Variants in TLN2 observed in about 807,000 individuals in gnomAD.
TLN2 encodes the protein talin-2.
Under a neutral mutation model 294.7 loss-of-function variants are expected in TLN2, and 118 were observed. The ratio of observed to expected loss-of-function variants is 0.40; its 90% confidence interval spans 0.34 to 0.47. The LOEUF (loss-of-function observed/expected upper bound fraction) is 0.47, where lower values mean the gene tolerates loss of function less well. TLN2 is among the 20% of genes least tolerant of loss of function. TLN2 has a pLI of 0.84. For synonymous variants in TLN2, 1,431 were observed against 1,304.5 expected (o/e 1.10, Z -2.09); for missense variants, 3,083 against 3,282.2 (o/e 0.94, Z 1.48).
chr15:62,727,761 G>A (rs1484918901), intron 28 of TLN2, among the ~76,000 whole-genome samples: 1 of 152,116 alleles, frequency 6.6e-6, no homozygotes, highest in Non-Finnish European at 1.5e-5. Context: ...TATACAATGA[G>A]GAAATGTTAT....
intron 35 of TLN2, 141 bp downstream of exon 35, chr15:62,752,568 C>A: frequency 7.8e-7 from 1 of 1,288,610 alleles, no homozygotes; most frequent in Non-Finnish European, 1.0e-6. Context: ...CTGGCTGGGG[C>A]ATTTACACAA....
At chr15:62,625,459 A>G (rs2049198561) in intron 3 of TLN2, among the ~76,000 whole-genome samples, 1 of 152,184 alleles carries the variant, frequency 6.6e-6, no homozygotes, top group African/African-American at 2.4e-5. Context: ...GTAAGAAGGC[A>G]TAGGCTGTGG....
Position 62,434,433 on chromosome 15 carries a change from A to G in TLN2, c.-238+43748A>G, listed in dbSNP as rs943735416. Among the ~76,000 whole-genome samples, 10 of 152,192 alleles carry G rather than the reference A, an allele frequency of 6.6e-5. No individual in the cohort carries two copies. The East Asian group carries it at 1.2e-3, about 18-fold the overall frequency. ...GTCTTTTAACTGGCTCCCTATTGAC[A>G]TTTGGGTCTTTTTTTTATCTTTTGC... On this transcript the variant is annotated intron_variant, in intron 1 of 58. Transcript: ENST00000636159.
At chr15:62,575,492 T>C (rs2044307691) in intron 1 of TLN2, among the ~76,000 whole-genome samples, 1 of 152,236 alleles carries the variant, frequency 6.6e-6, no homozygotes, top group Non-Finnish European at 1.5e-5. Context: ...TCTCAATTTC[T>C]GTACTTACTG....
chr15:62,499,829 C>T (rs2039211573), intron 1 of TLN2, among the ~76,000 whole-genome samples: 1 of 152,010 alleles, frequency 6.6e-6, no homozygotes, highest in South Asian at 2.1e-4. Context: ...TCTCGAACTC[C>T]CGACCTCAGG....
At chr15:62,399,601 C>T (rs1399908079) in intron 1 of TLN2, among the ~76,000 whole-genome samples, 1 of 152,260 alleles carries the variant, frequency 6.6e-6, no homozygotes, top group Non-Finnish European at 1.5e-5. Flanking sequence ...TGGGAACCCA[C>T]CTCTTGCATC....
chr15:62,805,139 C>T (rs1413412964), intron 50 of TLN2, among the ~76,000 whole-genome samples: 2 of 152,196 alleles, frequency 1.3e-5, no homozygotes, highest in Non-Finnish European at 2.9e-5. Flanking sequence ...TTTCCCCCAA[C>T]CTCACATCCT....
chr15:62,739,913 C>G (rs1432098696), intron 31 of TLN2, among the ~76,000 whole-genome samples: 4 of 152,040 alleles, frequency 2.6e-5, no homozygotes, highest in African/African-American at 9.7e-5. Flanking sequence ...TTTAATGGAC[C>G]ATTCAGATGG....
chr15:62,577,384 T>TGAGGTTGC (rs1749608729), intron 1 of TLN2, among the ~76,000 whole-genome samples: 1 of 152,168 alleles, frequency 6.6e-6, no homozygotes, highest in Non-Finnish European at 1.5e-5. Flanking sequence ...GCGGAGGTTG[T>TGAGGTTGC]GGTGAGCCGA....
At chr15:62,817,884 T>C (rs967316304) in intron 52 of TLN2, among the ~76,000 whole-genome samples, 3 of 145,982 alleles carry the variant, frequency 2.1e-5, no homozygotes, top group Non-Finnish European at 3.0e-5. Flanking sequence ...AATGGTGCAA[T>C]CTTGGCTCAC....
intron 1 of TLN2, among the ~76,000 whole-genome samples, chr15:62,436,264 G>GT (rs1209674918): frequency 6.6e-6 from 1 of 152,210 alleles, no homozygotes; most frequent in Non-Finnish European, 1.5e-5. Flanking sequence ...ACAGTGGTGC[G>GT]TATCTGTCCT....
At chr15:62,442,494 GAAAAA>G (rs71125999) in intron 1 of TLN2, among the ~76,000 whole-genome samples, 1 of 87,880 alleles carries the variant, frequency 1.1e-5, no homozygotes, top group African/African-American at 4.2e-5. Flanking sequence ...CTCTGTCTCA[GAAAAA>G]AAAAAAAAAA....
chr15:62,420,348 G>T (rs531692045), intron 1 of TLN2, among the ~76,000 whole-genome samples: 1 of 152,154 alleles, frequency 6.6e-6, no homozygotes, highest in African/African-American at 2.4e-5. Flanking sequence ...ATGTTAATAG[G>T]TGATTAAGAA....
intron 1 of TLN2, among the ~76,000 whole-genome samples, chr15:62,554,756 C>T (rs755310385): frequency 6.6e-5 from 10 of 152,230 alleles, no homozygotes; most frequent in South Asian, 4.2e-4. Context: ...AGGAGACAGG[C>T]CTCGAGCATT....
intron 47 of TLN2, 89 bp from the exon 48 acceptor site, chr15:62,797,130 C>A: frequency 7.0e-7 from 1 of 1,430,078 alleles, no homozygotes. Flanking sequence ...TTAACAAAAG[C>A]CCCATGTGAG....
intron 1 of TLN2, among the ~76,000 whole-genome samples, chr15:62,536,141 T>C (rs1010144635): frequency 1.3e-5 from 2 of 152,232 alleles, no homozygotes; most frequent in Non-Finnish European, 2.9e-5. Context: ...CTTTGCCATG[T>C]AGTTTGGAGA....
rs767900156 is a variant in TLN2 at position 62,657,800 on chromosome 15, C to G, written c.690C>G (p.His230Gln). 1.2e-6 allele frequency: 2 copies of G among 1,613,842 alleles called. No homozygotes were observed. The highest frequency in any genetic ancestry group is 2.7e-5 in the African/African-American group (2 of 74,918). ...QARDDILNGS[H>Q]PVSFEKACEF... is the part of the protein sequence containing the mutation. ...GGGATGACATCCTGAATGGCTCTCACCCTGTCTCCTTCGAGAAAGCTTGTG... is the reference window on the plus strand; with the variant it reads ...GGGATGACATCCTGAATGGCTCTCAGCCTGTCTCCTTCGAGAAAGCTTGTG... The change falls in exon 9 of 59, where the codon CAC becomes CAG. Residue 230 changes from histidine to glutamine, a missense_variant. Coordinates refer to ENST00000636159, the MANE Select transcript of TLN2 (RefSeq NM_015059.3).
At chr15:62,453,555 T>A (rs1015070579) in intron 1 of TLN2, 31 of 152,330 alleles carry the variant, frequency 2.0e-4, no homozygotes, top group Middle Eastern at 3.4e-3. Flanking sequence ...GTTGACTGAT[T>A]GCACCAGCTG....
intron 1 of TLN2, among the ~76,000 whole-genome samples, chr15:62,554,210 C>A (rs927964837): frequency 2.0e-5 from 3 of 151,554 alleles, no homozygotes; most frequent in Admixed American, 6.6e-5. Flanking sequence ...CCCTGCCCCC[C>A]TCACTGTGGC....
Sources: allele counts gnomAD v4.1 joint callset (sites outside exome capture counted in the v4.1 genomes callset), GRCh38; gene constraint gnomAD v4.1.1; transcripts MANE v1.5; gene names NCBI Gene and HGNC (gene_info 2026-07-23, HGNC 2026-07-21).